LOC400499: variants seen among roughly 807,000 people sequenced by gnomAD.
At chr16:11,446,993 C>G in the LOC400499 span, 3 of 1,432,714 alleles carry the variant, frequency 2.1e-6, no homozygotes, top group Non-Finnish European at 2.8e-6. Flanking sequence ...CGGTCTCAGC[C>G]TGGGCCTGTC....
chr16:11,404,697 C>A, the LOC400499 span: 1 of 399,070 alleles, frequency 2.5e-6, no homozygotes, highest in Non-Finnish European at 4.4e-6. Flanking sequence ...GCCCCTCACA[C>A]ACTCACCCTG....
chr16:11,479,884 C>T, the LOC400499 span, among the ~76,000 whole-genome samples: 2 of 152,136 alleles, frequency 1.3e-5, no homozygotes, highest in Non-Finnish European at 2.9e-5. Context: ...GCTGTATCCC[C>T]CTGGTCTCTG....
chr16:11,482,304 G>T, the LOC400499 span, among the ~76,000 whole-genome samples: 40,695 of 151,984 alleles, frequency 0.27, 5,753 homozygotes, highest in Admixed American at 0.41. Flanking sequence ...GGAGCTGGGG[G>T]TATGGGGAGT....
the LOC400499 span, chr16:11,417,776 G>A: frequency 2.5e-6 from 1 of 399,004 alleles, no homozygotes; most frequent in Non-Finnish European, 4.4e-6. Flanking sequence ...AGGAATGTGG[G>A]CCCCATCAGG....
chr16:11,462,966 G>A, the LOC400499 span, among the ~76,000 whole-genome samples: 9 of 152,090 alleles, frequency 5.9e-5, no homozygotes, highest in Non-Finnish European at 1.3e-4. Context: ...GGCTCTCCCG[G>A]CTCCCATCCC....
At chr16:11,380,337 T>C in the LOC400499 span, among the ~76,000 whole-genome samples, 3 of 152,078 alleles carry the variant, frequency 2.0e-5, no homozygotes, top group Non-Finnish European at 4.4e-5. Context: ...TTAATTTCTC[T>C]GGCCGGACAC....
chr16:11,384,837 C>G, the LOC400499 span: 1 of 1,230,298 alleles, frequency 8.1e-7, no homozygotes, highest in Non-Finnish European at 1.0e-6. Context: ...AGGGGTGCAT[C>G]CCAAAGAGTC....
At chr16:11,493,793 G>A in the LOC400499 span, 1 of 383,860 alleles carries the variant, frequency 2.6e-6, no homozygotes, top group Non-Finnish European at 4.5e-6. Context: ...AGCACAAGCT[G>A]GAGCTAAATC....
At chr16:11,381,437 A>G in the LOC400499 span, among the ~76,000 whole-genome samples, 1 of 152,002 alleles carries the variant, frequency 6.6e-6, no homozygotes, top group Non-Finnish European at 1.5e-5. Flanking sequence ...TATTCTAGAG[A>G]TGAGTCTCTA....
the LOC400499 span, among the ~76,000 whole-genome samples, chr16:11,437,205 A>C: frequency 6.6e-6 from 1 of 152,202 alleles, no homozygotes; most frequent in Non-Finnish European, 1.5e-5. Flanking sequence ...TTTTTAGGGC[A>C]GGGAAACTGT....
At chr16:11,502,101 G>A in the LOC400499 span, 3 of 399,160 alleles carry the variant, frequency 7.5e-6, no homozygotes, top group Admixed American at 8.8e-5. Context: ...TTTGAAGGAA[G>A]AATATTGCCA....
At chr16:11,462,154 C>T in the LOC400499 span, 218 of 1,529,382 alleles carry the variant, frequency 1.4e-4, 1 homozygote, top group South Asian at 2.0e-3. Flanking sequence ...GATGGCTCAG[C>T]GATGCGGAGA....
At chr16:11,500,449 T>C in the LOC400499 span, among the ~76,000 whole-genome samples, 1 of 151,904 alleles carries the variant, frequency 6.6e-6, no homozygotes. Flanking sequence ...AGGTGGAGGT[T>C]GCAGTGAGCT....
the LOC400499 span, among the ~76,000 whole-genome samples, chr16:11,453,660 G>C: frequency 6.6e-6 from 1 of 152,000 alleles, no homozygotes; most frequent in Non-Finnish European, 1.5e-5. Context: ...AAAGGACAAA[G>C]AAATAGAACA....
the LOC400499 span, among the ~76,000 whole-genome samples, chr16:11,513,190 G>T: frequency 1.3e-5 from 2 of 151,986 alleles, no homozygotes; most frequent in Non-Finnish European, 2.9e-5. Flanking sequence ...GATTATTTGA[G>T]CCCAAGAGTT....
chr16:11,486,393 A>G, the LOC400499 span, among the ~76,000 whole-genome samples: 1 of 104,892 alleles, frequency 9.5e-6, no homozygotes, highest in African/African-American at 4.3e-5. Flanking sequence ...GTGGTTTGGT[A>G]AATGGATTGA....
the LOC400499 span, among the ~76,000 whole-genome samples, chr16:11,509,847 A>T: frequency 6.6e-6 from 1 of 152,094 alleles, no homozygotes; most frequent in Non-Finnish European, 1.5e-5. Flanking sequence ...AACAAAACAC[A>T]ACAAAACAAC....
At chr16:11,402,692 C>T in the LOC400499 span, among the ~76,000 whole-genome samples, 2 of 152,046 alleles carry the variant, frequency 1.3e-5, no homozygotes, top group Non-Finnish European at 2.9e-5. Context: ...CCAAGGCCAG[C>T]GGAGCCGCCC....
chr16:11,384,862 C>A, the LOC400499 span: 7 of 1,232,190 alleles, frequency 5.7e-6, no homozygotes, highest in African/African-American at 1.1e-4. Flanking sequence ...GTAGGTGGGG[C>A]CAACCCTCCT....
Sources: allele counts gnomAD v4.1 joint callset (sites outside exome capture counted in the v4.1 genomes callset), GRCh38; gene constraint gnomAD v4.1.1; transcripts MANE v1.5.